Variants in OSBPL9 observed in about 807,000 individuals in gnomAD.
OSBPL9 encodes the protein oxysterol binding protein like 9, also known as oxysterol-binding protein-related protein 9.
A neutral mutation model predicts 106.6 loss-of-function variants in OSBPL9; 40 were observed. The observed-to-expected ratio is 0.38, with a 90% confidence interval of 0.29 to 0.49. The LOEUF is 0.49. Among genes scored for constraint, OSBPL9 ranks in the 20% least tolerant of loss-of-function variants. The pLI is 0.97. For synonymous variants in OSBPL9, 269 were observed against 295.4 expected (o/e 0.91, Z 0.92); for missense variants, 609 against 887.2 (o/e 0.69, Z 3.98).
At chr1:51,649,736 CT>C (rs71578080) in intron 1 of OSBPL9, among the ~76,000 whole-genome samples, 1,385 of 96,982 alleles carry the variant, frequency 0.014, 23 homozygotes, top group African/African-American at 0.048. Context: ...ACATGTTAGT[CT>C]TTTTTTTTTT....
At chr1:51,592,958 A>G (rs551845699) in intron 1 of OSBPL9, among the ~76,000 whole-genome samples, 2 of 152,272 alleles carry the variant, frequency 1.3e-5, no homozygotes, top group Admixed American at 1.3e-4. Context: ...CAGTCACAAG[A>G]TTAGCCTCAA....
intron 4 of OSBPL9, among the ~76,000 whole-genome samples, chr1:51,733,245 T>C (rs962352557): frequency 6.6e-6 from 1 of 152,224 alleles, no homozygotes; most frequent in African/African-American, 2.4e-5. Context: ...CTCATCTTTG[T>C]ATCCCCGGGG....
the OSBPL9 span, among the ~76,000 whole-genome samples, chr1:51,550,166 G>A: frequency 6.6e-6 from 1 of 152,188 alleles, no homozygotes; most frequent in Non-Finnish European, 1.5e-5. Context: ...TACAATGGCT[G>A]CTATGAGGAT....
At chr1:51,589,102 T>G (rs1645260957) in intron 1 of OSBPL9, among the ~76,000 whole-genome samples, 1 of 151,988 alleles carries the variant, frequency 6.6e-6, no homozygotes, top group African/African-American at 2.4e-5. Context: ...TTTCTTTTTT[T>G]TTTTAAGACA....
chr1:51,776,962 C>T (rs888106007), intron 15 of OSBPL9, 44 bp downstream of exon 15: 1 of 1,425,066 alleles, frequency 7.0e-7, no homozygotes, highest in Non-Finnish European at 9.9e-7. Flanking sequence ...ACAGATGTTA[C>T]TCAGCAGCTT....
chr1:51,655,906 G>A (rs1557646868), intron 2 of OSBPL9, among the ~76,000 whole-genome samples: 1 of 152,198 alleles, frequency 6.6e-6, no homozygotes, highest in Non-Finnish European at 1.5e-5. Flanking sequence ...CCCTCTGTGT[G>A]CACACACGTG....
At chr1:51,661,495 T>G (rs1022857580) in intron 2 of OSBPL9, among the ~76,000 whole-genome samples, 1 of 152,156 alleles carries the variant, frequency 6.6e-6, no homozygotes, top group African/African-American at 2.4e-5. Flanking sequence ...TTCTTTTTGG[T>G]GCCTTGATAG....
intron 1 of OSBPL9, among the ~76,000 whole-genome samples, chr1:51,632,328 T>C (rs1421972118): frequency 6.6e-6 from 1 of 152,210 alleles, no homozygotes; most frequent in Non-Finnish European, 1.5e-5. Flanking sequence ...TTCAGCTCCA[T>C]TATAATCTTA....
upstream of OSBPL9, among the ~76,000 whole-genome samples, chr1:51,613,724 G>C (rs1644005090): frequency 6.6e-6 from 1 of 151,516 alleles, no homozygotes. Context: ...ACCAAGCCTT[G>C]CCTTTTCTTT....
Position 51,776,872 on chromosome 1 carries a change from T to G in OSBPL9, c.1210T>G (p.Leu404Val). ...PTFILERRSL[L>V]EMYADFFAHP... ...GTTTATTCTTGAAAGAAGATCTCTT[T>G]TAGAAATGTATGCAGACTTTTTTGC... is the stretch of plus-strand genomic sequence containing the variant. The change falls in exon 15 of 24, where the codon TTA becomes GTA. Residue 404 changes from leucine to valine, a missense_variant. By Grantham distance (32) the Leu-to-Val change is conservative (BLOSUM62 1). Transcript: ENST00000428468. 1 of 1,613,150 alleles carries G rather than the reference T, an allele frequency of 6.2e-7. No individual in the cohort carries two copies. Among genetic ancestry groups the G allele is most frequent in the Non-Finnish European group, 8.5e-7 (1 of 1,179,108 alleles).
In OSBPL9 at chr1:51,789,062, C is replaced by G. The variant is rs975974959; in HGVS notation, c.*1273C>G. On this transcript the variant is annotated 3_prime_UTR_variant, in exon 24 of 24. Coordinates refer to ENST00000428468, the MANE Select transcript of OSBPL9 (RefSeq NM_024586.6). ...GCTAATTTTCCTTTGCCAGCTCCTA[C>G]AGTAACCCTGGGTTTATTAGTCTCA... 6 of 676,630 alleles carry G rather than the reference C, an allele frequency of 8.9e-6. No individual in the cohort carries two copies. In the East Asian group the frequency reaches 1.6e-4, roughly 18 times the overall value. The allele number at this position is 676,630 out of a possible 1,614,324, so 41.9% of individuals were successfully genotyped here.
At chr1:51,787,255 C>T in intron 22 of OSBPL9, 98 bp from the exon 23 acceptor site, 1 of 1,195,664 alleles carries the variant, frequency 8.4e-7, no homozygotes, top group Non-Finnish European at 1.2e-6. Context: ...CTGTGACCTA[C>T]AGCACTTAAA....
rs146471950 is a variant in OSBPL9, at chr1:51,677,302, C to G, written c.241+7790C>G. Among the ~76,000 whole-genome samples, 5 of 152,282 alleles carry G rather than the reference C, an allele frequency of 3.3e-5. No individual in the cohort carries two copies. In the East Asian group the frequency reaches 9.7e-4, roughly 29 times the overall value. On this transcript the variant is annotated intron_variant, in intron 3 of 23. Coordinates refer to ENST00000428468, the MANE Select transcript of OSBPL9 (RefSeq NM_024586.6). ...ATGTTATTCCAATTTACTCTCATAACAACCACTTACACATAAGAAGGAATT... is the reference window on the plus strand; with the variant it reads ...ATGTTATTCCAATTTACTCTCATAAGAACCACTTACACATAAGAAGGAATT...
At chr1:51,521,033 A>C in the OSBPL9 span, among the ~76,000 whole-genome samples, 3 of 152,202 alleles carry the variant, frequency 2.0e-5, no homozygotes, top group Non-Finnish European at 1.5e-5. Flanking sequence ...GAGCTTCACA[A>C]CTCTAAAAGG....
At chr1:51,768,192 C>T (rs1352065457) in intron 12 of OSBPL9, among the ~76,000 whole-genome samples, 3 of 151,982 alleles carry the variant, frequency 2.0e-5, no homozygotes, top group Non-Finnish European at 4.4e-5. Flanking sequence ...CAGCCCGCCT[C>T]GGCCTCCCAA....
chr1:51,751,672 A>G (rs974521983), intron 8 of OSBPL9, among the ~76,000 whole-genome samples: 2 of 152,214 alleles, frequency 1.3e-5, no homozygotes, highest in African/African-American at 4.8e-5. Context: ...TTTAGGGAAT[A>G]CATACTGCCT....
chr1:51,632,306 C>CAATAAGA (rs1557611893), intron 1 of OSBPL9, among the ~76,000 whole-genome samples: 1 of 152,054 alleles, frequency 6.6e-6, no homozygotes, highest in Non-Finnish European at 1.5e-5. Flanking sequence ...CATCATTAGG[C>CAATAAGA]AATAAGAAAT....
intron 4 of OSBPL9, among the ~76,000 whole-genome samples, chr1:51,741,724 A>G (rs1169595229): frequency 6.6e-6 from 1 of 151,984 alleles, no homozygotes; most frequent in East Asian, 1.9e-4. Flanking sequence ...GTTAGATTGA[A>G]GTTTAATTTC....
chr1:51,785,556 A>T (rs1571796558), intron 20 of OSBPL9: 1 of 485,602 alleles, frequency 2.1e-6, no homozygotes, highest in African/African-American at 2.0e-5. Flanking sequence ...CAACTCTGTT[A>T]TGGTCCTTGC....
Sources: allele counts gnomAD v4.1 joint callset (sites outside exome capture counted in the v4.1 genomes callset), GRCh38; gene constraint gnomAD v4.1.1; transcripts MANE v1.5; gene names NCBI Gene and HGNC (gene_info 2026-07-23, HGNC 2026-07-21).